Variants in EPHB1 observed in about 807,000 individuals in gnomAD.
EPHB1 encodes ephrin type-B receptor 1.
A neutral mutation model predicts 94.4 loss-of-function variants in EPHB1; 30 were observed. The ratio of observed to expected loss-of-function variants is 0.32; its 90% CI spans 0.24 to 0.43. The LOEUF is 0.43. Among genes scored for constraint, EPHB1 ranks in the 20% least tolerant of loss-of-function variants. The probability of loss-of-function intolerance (pLI) is 1.00; values close to 1 mark genes in which losing one functional copy is unlikely to be tolerated. For synonymous variants in EPHB1, 522 were observed against 489.1 expected (o/e 1.07, Z -0.89); for missense variants, 1,055 against 1,308.3 (o/e 0.81, Z 2.99).
chr3:135,246,164 GGAAGA>G (rs1943918451), intron 13 of EPHB1, among the ~76,000 whole-genome samples: 1 of 152,098 alleles, frequency 6.6e-6, no homozygotes, highest in South Asian at 2.1e-4. Context: ...GCCCTGCACT[GGAAGA>G]CTTTGGGGAC....
chr3:134,959,059 G>A (rs567900824), intron 3 of EPHB1, among the ~76,000 whole-genome samples: 84 of 152,308 alleles, frequency 5.5e-4, no homozygotes, highest in African/African-American at 1.9e-3. Context: ...GGTGGATTTT[G>A]TTTGAACTTG....
intron 13 of EPHB1, among the ~76,000 whole-genome samples, chr3:135,245,436 T>A (rs561519294): frequency 6.6e-6 from 1 of 151,158 alleles, no homozygotes; most frequent in South Asian, 2.1e-4. Context: ...AATCAGTGGC[T>A]GTTTGATGTC....
intron 3 of EPHB1, among the ~76,000 whole-genome samples, chr3:135,037,886 A>G (rs958251521): frequency 6.6e-6 from 1 of 152,258 alleles, no homozygotes; most frequent in Non-Finnish European, 1.5e-5. Flanking sequence ...TAAATGACTT[A>G]TAAAATAAAC....
chr3:135,196,392 T>C (rs1325467904), intron 11 of EPHB1, among the ~76,000 whole-genome samples: 1 of 151,956 alleles, frequency 6.6e-6, no homozygotes. Flanking sequence ...CCTGGGGGCA[T>C]GAGAGGAGCA....
At chr3:134,903,689 T>G (rs1200578825) in intron 1 of EPHB1, among the ~76,000 whole-genome samples, 1 of 152,126 alleles carries the variant, frequency 6.6e-6, no homozygotes, top group Non-Finnish European at 1.5e-5. Flanking sequence ...TGATGGGGCC[T>G]TGGTAAATGG....
chr3:134,834,076 C>T (rs1363483229), intron 1 of EPHB1, among the ~76,000 whole-genome samples: 2 of 152,086 alleles, frequency 1.3e-5, no homozygotes, highest in Non-Finnish European at 2.9e-5. Context: ...GAAAAAAAGA[C>T]TAACTAGACC....
chr3:135,001,180 G>T (rs1482879591), intron 3 of EPHB1, among the ~76,000 whole-genome samples: 2 of 152,152 alleles, frequency 1.3e-5, no homozygotes, highest in African/African-American at 4.8e-5. Flanking sequence ...GCAGTGTGAA[G>T]CATGAACAGC....
chr3:134,968,410 T>A (rs960923533), intron 3 of EPHB1, among the ~76,000 whole-genome samples: 8 of 152,226 alleles, frequency 5.3e-5, no homozygotes, highest in African/African-American at 1.9e-4. Context: ...TTAGACAACA[T>A]GATCTGGTTC....
intron 1 of EPHB1, among the ~76,000 whole-genome samples, chr3:134,881,894 A>G (rs1243704683): frequency 1.3e-5 from 2 of 152,238 alleles, no homozygotes; most frequent in African/African-American, 2.4e-5. Context: ...GTTTCCATCA[A>G]AGATGACTGA....
intron 3 of EPHB1, among the ~76,000 whole-genome samples, chr3:135,055,119 T>TA (rs989942200): frequency 1.3e-5 from 2 of 152,198 alleles, no homozygotes; most frequent in African/African-American, 2.4e-5. Flanking sequence ...ATTTTGATAT[T>TA]AAAAAAATCA....
chr3:135,147,208 G>T (rs756065042), intron 5 of EPHB1, among the ~76,000 whole-genome samples: 1 of 151,934 alleles, frequency 6.6e-6, no homozygotes, highest in South Asian at 2.1e-4. Flanking sequence ...TACCTTACCC[G>T]TTTTCTTCAC....
At chr3:135,021,507 AC>A (rs1935987680) in intron 3 of EPHB1, among the ~76,000 whole-genome samples, 1 of 125,670 alleles carries the variant, frequency 8.0e-6, no homozygotes, top group Non-Finnish European at 1.7e-5. Context: ...CTCTCCCCCC[AC>A]CCCCCACCGG....
intron 5 of EPHB1, among the ~76,000 whole-genome samples, chr3:135,148,704 A>G (rs1223786450): frequency 6.6e-6 from 1 of 152,194 alleles, no homozygotes; most frequent in African/African-American, 2.4e-5. Flanking sequence ...CCTCTGCTGT[A>G]TGTGATATAC....
chr3:135,153,071 T>C lies in EPHB1; in HGVS notation c.1298-1081T>C, dbSNP rs547356819. 2.0e-5 allele frequency among the ~76,000 whole-genome samples: 3 copies of C among 152,188 alleles called. No individual in the cohort carries two copies. The South Asian group carries it at 6.2e-4, about 32-fold the overall frequency. Reference sequence around the variant, plus strand: ...GCATGTAGTAGGGACTCACTGAGGGTCCAATGAGTAGTGGAGAAAGCAGCA... The same window carrying C: ...GCATGTAGTAGGGACTCACTGAGGGCCCAATGAGTAGTGGAGAAAGCAGCA... On this transcript the variant is annotated intron_variant, in intron 5 of 15. Coordinates refer to ENST00000398015, the MANE Select transcript of EPHB1 (RefSeq NM_004441.5).
intron 3 of EPHB1, among the ~76,000 whole-genome samples, chr3:134,959,013 T>A (rs1171612098): frequency 6.6e-6 from 1 of 152,202 alleles, no homozygotes; most frequent in Admixed American, 6.5e-5. Context: ...CTACTGATCA[T>A]GATTTGGCAG....
intron 1 of EPHB1, among the ~76,000 whole-genome samples, chr3:134,826,025 A>C (rs1480841202): frequency 2.7e-5 from 4 of 150,614 alleles, no homozygotes; most frequent in Non-Finnish European, 5.9e-5. Flanking sequence ...GTGGATCACG[A>C]GGTCAGGAGT....
chr3:134,994,599 A>AT (rs952281704), intron 3 of EPHB1, among the ~76,000 whole-genome samples: 2 of 151,998 alleles, frequency 1.3e-5, no homozygotes, highest in African/African-American at 4.8e-5. Context: ...TTCATTTATT[A>AT]TTTTTTTAGA....
chr3:135,220,559 T>C (rs1281631185), intron 12 of EPHB1, among the ~76,000 whole-genome samples: 1 of 151,224 alleles, frequency 6.6e-6, no homozygotes, highest in Non-Finnish European at 1.5e-5. Flanking sequence ...GGTGCTCGCC[T>C]TTCCTCATGG....
At chr3:135,133,581 C>T (rs985878431) in intron 5 of EPHB1, among the ~76,000 whole-genome samples, 2 of 152,154 alleles carry the variant, frequency 1.3e-5, no homozygotes, top group Admixed American at 1.3e-4. Flanking sequence ...ATCAATATTA[C>T]CTTCATTTTC....
Sources: gnomAD v4.1 joint callset for allele counts (sites outside exome capture counted in the v4.1 genomes callset) on GRCh38, gnomAD v4.1.1 for gene constraint, MANE v1.5 for transcripts, NCBI Gene and HGNC (gene_info 2026-07-23, HGNC 2026-07-21) for gene names.